Variants in MEG3 observed in about 807,000 individuals in gnomAD.
MEG3 encodes Very putative protein from MEG3 locus.
chr14:100,851,454 G>A lies in MEG3; in HGVS notation n.3121+5921G>A, dbSNP rs3783357. On this transcript the variant is annotated intron_variant and non_coding_transcript_variant, in intron 3 of 3. Coordinates refer to the MEG3 transcript ENST00000398461. ...GGGAAAGGCCAGAAGGTGGCCAGGC[G>A]CACCTGAGAAGGGGGACCCAGAAGC... 0.26 allele frequency: 39,929 copies of A among 152,142 alleles called. 6,048 individuals carry two copies. The highest frequency in any genetic ancestry group is 0.33 in the Non-Finnish European group (22,430 of 68,010). 9.4% of individuals were successfully genotyped at this position (152,142 alleles called of 1,614,324 possible).
In MEG3 at chr14:100,836,258, A is replaced by G. The variant is rs543423855; in HGVS notation, n.3003A>G. ...GATGGGGCCCACCATCCCGGACCCA[A>G]GTCTTCTTCCTGGCGGGCCTCTCGT... is the stretch of plus-strand genomic sequence containing the variant. On this transcript the variant is annotated non_coding_transcript_exon_variant, in exon 2 of 4. Coordinates refer to the MEG3 transcript ENST00000398461. 6.8e-5 allele frequency: 31 copies of G among 456,558 alleles called. 1 individual carries two copies. Among genetic ancestry groups the G allele is most frequent in the Admixed American group, 6.6e-4 (28 of 42,564 alleles). 28.3% of individuals were successfully genotyped at this position (456,558 alleles called of 1,614,324 possible).
chr14:100,844,395 T>C (rs1266223992), intron 2 of MEG3, among the ~76,000 whole-genome samples: 3 of 152,208 alleles, frequency 2.0e-5, no homozygotes, highest in Non-Finnish European at 2.9e-5. Context: ...GCTACCTTTC[T>C]ATGACGCCTC....
At chr14:100,855,646 A>G (rs1252366644), upstream of MEG3, 1 of 152,104 alleles carries the variant, frequency 6.6e-6, no homozygotes, top group African/African-American at 2.4e-5. Flanking sequence ...TCATCCCTTC[A>G]TCCCTTCATT....
chr14:100,827,313 G>A (rs1369156001), intron 1 of MEG3: 1 of 151,338 alleles, frequency 6.6e-6, no homozygotes, highest in Non-Finnish European at 1.5e-5. Context: ...GAGGGCGCTG[G>A]CGGCACTGCG....
downstream of MEG3, chr14:100,830,847 G>T (rs1473901137): frequency 6.6e-6 from 1 of 152,530 alleles, no homozygotes; most frequent in African/African-American, 2.4e-5. Context: ...CTCTGAAAGG[G>T]GCTGATTGGA....
At chr14:100,854,137 A>C (rs1279098078), upstream of MEG3, 4 of 152,400 alleles carry the variant, frequency 2.6e-5, no homozygotes, top group East Asian at 7.7e-4. Flanking sequence ...GTAAGCTTAC[A>C]GCATTTTACA....
At chr14:100,843,034 C>A (rs2037805873) in intron 2 of MEG3, among the ~76,000 whole-genome samples, 1 of 152,148 alleles carries the variant, frequency 6.6e-6, no homozygotes, top group South Asian at 2.1e-4. Flanking sequence ...TCACAGCAAG[C>A]CCAGAGCTGG....
chr14:100,839,252 G>A (rs1049846370), intron 2 of MEG3, among the ~76,000 whole-genome samples: 4 of 152,190 alleles, frequency 2.6e-5, no homozygotes, highest in East Asian at 3.9e-4. Flanking sequence ...GTGAGCTGCA[G>A]TGGAAAAGCC....
At chr14:100,843,460 A>G (rs1250674651) in intron 2 of MEG3, among the ~76,000 whole-genome samples, 2 of 152,302 alleles carry the variant, frequency 1.3e-5, no homozygotes, top group East Asian at 3.9e-4. Flanking sequence ...GGCAGCCTTT[A>G]GGTAACCGAA....
intron 2 of MEG3, among the ~76,000 whole-genome samples, chr14:100,843,649 G>A (rs948383872): frequency 1.3e-5 from 2 of 152,116 alleles, no homozygotes; most frequent in African/African-American, 2.4e-5. Context: ...TGCCCTGGCC[G>A]GGTCTTGGAC....
rs2037880646 is a variant in MEG3 at position 100,845,192 on chromosome 14, G to A, written n.3046-266G>A. ...GTCCTAAGCCTTTGGGTCCCACAGAGCACGACTTCGCTCCGTGAACAGCAC... is the reference window on the plus strand; with the variant it reads ...GTCCTAAGCCTTTGGGTCCCACAGAACACGACTTCGCTCCGTGAACAGCAC... On this transcript the variant is annotated intron_variant and non_coding_transcript_variant, in intron 2 of 3. Transcript: ENST00000398461. The surrounding 1 kb of genome is among the most constrained non-coding windows in gnomAD (Gnocchi z 5.2). 6.6e-6 allele frequency among the ~76,000 whole-genome samples: 1 copy of A among 152,200 alleles called. No homozygotes were observed. Among genetic ancestry groups the A allele is most frequent in the African/African-American group, 2.4e-5 (1 of 41,462 alleles).
chr14:100,836,280 T>C (rs1193883928), exon 2 of MEG3: 1 of 456,490 alleles, frequency 2.2e-6, no homozygotes, highest in East Asian at 7.0e-5. Flanking sequence ...GGCGGGCCTC[T>C]CGTCTCCTTC....
intron 1 of MEG3, among the ~76,000 whole-genome samples, chr14:100,826,942 G>A (rs2037250355): frequency 1.3e-5 from 2 of 152,072 alleles, no homozygotes; most frequent in East Asian, 1.9e-4. Context: ...GGGGGGTCGT[G>A]GGATTGGGGG....
downstream of MEG3, chr14:100,832,079 A>T (rs374156100): frequency 1.3e-5 from 2 of 151,616 alleles, no homozygotes; most frequent in East Asian, 3.9e-4. Flanking sequence ...CAGGAGAGAC[A>T]GGAGAAGAGA....
intron 2 of MEG3, among the ~76,000 whole-genome samples, chr14:100,841,883 T>G (rs2037771888): frequency 6.6e-6 from 1 of 152,320 alleles, no homozygotes; most frequent in South Asian, 2.1e-4. Context: ...GTGGCTCACC[T>G]TGTGCCTTTT....
chr14:100,860,986 C>T (rs981534788), exon 2 of MEG3: 2 of 277,148 alleles, frequency 7.2e-6, no homozygotes, highest in African/African-American at 4.6e-5. Context: ...TGGCGCACCC[C>T]ACTGTGCTCT....
intron 1 of MEG3, chr14:100,826,404 G>A (rs576038796): frequency 1.3e-5 from 2 of 152,442 alleles, no homozygotes; most frequent in African/African-American, 4.8e-5. Context: ...AAATCTTGAG[G>A]CACATTTCCC....
At chr14:100,839,146 A>G (rs994054795) in intron 2 of MEG3, among the ~76,000 whole-genome samples, 6 of 152,220 alleles carry the variant, frequency 3.9e-5, no homozygotes, top group African/African-American at 1.4e-4. Context: ...TTTCCTTGCA[A>G]AGAGGAAGGG....
intron 2 of MEG3, among the ~76,000 whole-genome samples, chr14:100,841,378 G>C (rs959623575): frequency 6.6e-6 from 1 of 152,244 alleles, no homozygotes; most frequent in South Asian, 2.1e-4. Context: ...CTACGAAATG[G>C]GCGAGTGCAG....
Sources: gnomAD v4.1 joint callset for allele counts (sites outside exome capture counted in the v4.1 genomes callset) on GRCh38, gnomAD v4.1.1 for gene constraint, Gnocchi (gnomAD v3.1) non-coding constraint, MANE v1.5 for transcripts, NCBI Gene and HGNC (gene_info 2026-07-23, HGNC 2026-07-21) for gene names.